PER2: variants seen among roughly 807,000 people sequenced by gnomAD.
PER2 encodes period circadian regulator 2, also known as period circadian protein homolog 2.
A neutral mutation model predicts 121.0 loss-of-function variants in PER2; 66 were observed. The ratio of observed to expected loss-of-function variants is 0.55; its 90% CI spans 0.45 to 0.67. The LOEUF (loss-of-function observed/expected upper bound fraction) is 0.67, where lower values mean the gene tolerates loss of function less well. Among genes scored for constraint, PER2 ranks in the 30% least tolerant of loss-of-function variants. The probability of loss-of-function intolerance (pLI) is 0.00; values close to 1 mark genes in which losing one functional copy is unlikely to be tolerated. For missense variants in PER2, 1,521 were observed against 1,635.0 expected (o/e 0.93, Z 1.20); for synonymous variants, 684 against 659.9 (o/e 1.04, Z -0.56).
chr2:238,275,042 A>C (rs1322089917), intron 4 of PER2, among the ~76,000 whole-genome samples: 3 of 152,238 alleles, frequency 2.0e-5, no homozygotes, highest in Non-Finnish European at 4.4e-5. Flanking sequence ...GTTTATACCC[A>C]TGATTACTAG....
chr2:238,284,974 T>C (rs895690714), intron 1 of PER2, among the ~76,000 whole-genome samples: 1 of 105,414 alleles, frequency 9.5e-6, no homozygotes. Flanking sequence ...CAGCTGTTCC[T>C]GGGGAGCTCC....
Position 238,261,443 on chromosome 2 carries a change from C to T in PER2, c.1416+286G>A, listed in dbSNP as rs1277388777. 8 of 496,980 alleles carry T rather than the reference C, an allele frequency of 1.6e-5. No homozygotes were observed. The East Asian group carries it at 2.6e-4, about 16-fold the overall frequency. The allele number at this position is 496,980 out of a possible 1,614,324, so 30.8% of individuals were successfully genotyped here. A position where few individuals can be genotyped will look rare whatever the true frequency, so the allele number is the denominator to read the frequency against. On this transcript the variant is annotated intron_variant, in intron 12 of 22. Transcript: ENST00000254657. ...GCACCACTGAGAGGTCACTCTGGAA[C>T]TATGCAGCCTGTGTCAGAGCACGGG...
In PER2 at chr2:238,250,724, A is replaced by G; in HGVS notation, c.3294T>C (p.His1098=). 2 of 1,613,752 alleles carry G rather than the reference A, an allele frequency of 1.2e-6. No homozygotes were observed. The highest frequency in any genetic ancestry group is 8.5e-7 in the Non-Finnish European group (1 of 1,179,604). ...PSGAGSSDTS[H]TSKYFGSIDS... is the part of the protein sequence containing the mutation. ...CAATGCTTCCAAAATATTTGCTGGT[A>G]TGACTTGTGTCACTACTGCCTTTAA... is the stretch of plus-strand genomic sequence containing the variant. The change falls in exon 21 of 23, where the codon CAT becomes CAC. Residue 1098 remains histidine, a synonymous_variant. Coordinates refer to ENST00000254657, the MANE Select transcript of PER2 (RefSeq NM_022817.3).
Position 238,246,090 on chromosome 2 carries a change from C to T in PER2, c.*285G>A, listed in dbSNP as rs573178304. ...AGGCAACTTCCCTGACACTAAGAGG[C>T]GCTTAGTCTTTCTCAAGTTAAATAA... On this transcript the variant is annotated 3_prime_UTR_variant, in exon 23 of 23. Coordinates refer to ENST00000254657, the MANE Select transcript of PER2 (RefSeq NM_022817.3). 3 of 222,766 alleles carry T rather than the reference C, an allele frequency of 1.3e-5. No individual in the cohort carries two copies. Among genetic ancestry groups the T allele is most frequent in the Admixed American group, 1.1e-4 (2 of 17,940 alleles). The allele number at this position is 222,766 out of a possible 1,614,324, so 13.8% of individuals were successfully genotyped here.
chr2:238,279,603 C>A (rs1298838688), intron 1 of PER2, among the ~76,000 whole-genome samples: 1 of 152,208 alleles, frequency 6.6e-6, no homozygotes, highest in Non-Finnish European at 1.5e-5. Flanking sequence ...CTTCCCAGGG[C>A]AGCTGGAACA....
chr2:238,290,775 T>C (rs1284158698), upstream of PER2, among the ~76,000 whole-genome samples: 1 of 151,486 alleles, frequency 6.6e-6, no homozygotes, highest in East Asian at 1.9e-4. Context: ...TTGTAAGGAG[T>C]TGGTGATGTA....
Position 238,265,627 on chromosome 2 carries a change from A to C in PER2, c.968-37T>G, listed in dbSNP as rs571334050. ...GAATATTGCACACATTTGTGATCCT[A>C]AGAAATGCATATTTGATGTTATATT... On this transcript the variant is annotated intron_variant, in intron 8 of 22. Transcript: ENST00000254657. 4.1e-6 allele frequency: 5 copies of C among 1,211,570 alleles called. No homozygotes were observed. In the African/African-American group the frequency reaches 7.4e-5, roughly 18 times the overall value. The allele number at this position is 1,211,570 out of a possible 1,614,324, so 75.1% of individuals were successfully genotyped here.
At chr2:238,279,346 C>T (rs1305323620) in intron 1 of PER2, among the ~76,000 whole-genome samples, 2 of 152,208 alleles carry the variant, frequency 1.3e-5, no homozygotes, top group African/African-American at 4.8e-5. Flanking sequence ...AACTCTGGAT[C>T]ACGGTCTACA....
rs1696192738 is a variant in PER2 at position 238,268,796 on chromosome 2, G to T, written c.824+127C>A. On this transcript the variant is annotated intron_variant, in intron 7 of 22. Coordinates refer to ENST00000254657, the MANE Select transcript of PER2 (RefSeq NM_022817.3). The surrounding 1 kb of genome is among the most constrained non-coding windows in gnomAD (Gnocchi z 4.0). ...ATGTAACTGACTGTGTTTTCTGGTA[G>T]ACTTCAGAAACAGGCGTGCTGAGTC... 1.4e-6 allele frequency: 1 copy of T among 734,258 alleles called. No individual in the cohort carries two copies. The highest frequency in any genetic ancestry group is 2.5e-6 in the Non-Finnish European group (1 of 407,186). 45.5% of individuals were successfully genotyped at this position (734,258 alleles called of 1,614,324 possible).
chr2:238,256,082 T>C (rs545978127), intron 17 of PER2, among the ~76,000 whole-genome samples, 171 bp from the exon 18 acceptor site: 1 of 152,384 alleles, frequency 6.6e-6, no homozygotes, highest in East Asian at 1.9e-4. Context: ...AGAAAGTTCA[T>C]GGCAAAAGGC....
chr2:238,278,090 C>CTCTGTCTG (rs1238234180), intron 1 of PER2, 135 bp from the exon 2 acceptor site: 4 of 948,466 alleles, frequency 4.2e-6, no homozygotes, highest in Non-Finnish European at 6.4e-6. Flanking sequence ...CTCTCTGTCT[C>CTCTGTCTG]TCTCTCTCTC....
intron 1 of PER2, among the ~76,000 whole-genome samples, chr2:238,282,053 T>C (rs1193105554): frequency 6.6e-6 from 1 of 152,148 alleles, no homozygotes; most frequent in Non-Finnish European, 1.5e-5. Flanking sequence ...GCGATCCTGG[T>C]GAAGGGGCTT....
intron 16 of PER2, 49 bp downstream of exon 16, chr2:238,258,227 G>T: frequency 6.2e-7 from 1 of 1,605,560 alleles, no homozygotes; most frequent in South Asian, 1.1e-5. Context: ...CTCTACTCCA[G>T]AGGATTTACA....
chr2:238,257,189 G>A lies in PER2; in HGVS notation c.1901-103C>T. 3.0e-6 allele frequency: 3 copies of A among 1,006,464 alleles called. No homozygotes were observed. The East Asian group carries it at 7.8e-5, about 26-fold the overall frequency. 62.3% of individuals were successfully genotyped at this position (1,006,464 alleles called of 1,614,324 possible). A position where few individuals can be genotyped will look rare whatever the true frequency, so the allele number is the denominator to read the frequency against. On this transcript the variant is annotated intron_variant, in intron 16 of 22. Coordinates refer to ENST00000254657, the MANE Select transcript of PER2 (RefSeq NM_022817.3). ...GCCCATACAGCTTCCACACCAGGGT[G>A]CACACAACCCATCCCATCCCATCCC...
Position 238,256,903 on chromosome 2 carries a change from C to T in PER2, c.2065+19G>A, listed in dbSNP as rs746380071. 6.2e-7 allele frequency: 1 copy of T among 1,610,124 alleles called. No individual in the cohort carries two copies. The highest frequency in any genetic ancestry group is 2.2e-5 in the East Asian group (1 of 44,854). On this transcript the variant is annotated intron_variant, in intron 17 of 22. Transcript: ENST00000254657. The stretch of plus-strand genomic sequence containing the variant: ...TTAAAAATCAAACTGCTCTCTGATC[C>T]AAGAGCCCATAGTCATACCTAACTC...
intron 21 of PER2, among the ~76,000 whole-genome samples, chr2:238,249,951 C>G (rs553315115): frequency 6.6e-6 from 1 of 152,360 alleles, no homozygotes; most frequent in East Asian, 1.9e-4. Context: ...ATTACCCAAT[C>G]TCAGGTATTT....
chr2:238,252,769 A>C lies in PER2; in HGVS notation c.3111+143T>G, dbSNP rs1695641672. ...TAAGTGGGAAGCATGAATTTCTGGC[A>C]CACACATTCATGGCAAAACCTACAG... On this transcript the variant is annotated intron_variant, in intron 19 of 22. Coordinates refer to ENST00000254657, the MANE Select transcript of PER2 (RefSeq NM_022817.3). This position sits in a 1 kb window ranked among gnomAD's most constrained non-coding sequence, Gnocchi z 4.2. The C allele has an allele frequency of 1.3e-6, 1 of 788,564 alleles. No individual in the cohort carries two copies. Among genetic ancestry groups the C allele is most frequent in the Admixed American group, 1.7e-5 (1 of 58,414 alleles). The allele number at this position is 788,564 out of a possible 1,614,324, so 48.8% of individuals were successfully genotyped here. A position where few individuals can be genotyped will look rare whatever the true frequency, so the allele number is the denominator to read the frequency against.
intron 1 of PER2, among the ~76,000 whole-genome samples, chr2:238,287,714 G>A (rs144184490): frequency 1.3e-5 from 2 of 152,320 alleles, no homozygotes; most frequent in Admixed American, 6.5e-5. Flanking sequence ...GATTTTCAGG[G>A]TGCCTTCTGG....
At chr2:238,298,196 G>A in the PER2 span, among the ~76,000 whole-genome samples, 7 of 152,092 alleles carry the variant, frequency 4.6e-5, no homozygotes, top group South Asian at 4.2e-4. Flanking sequence ...CACCACGCCC[G>A]GCTAATTTTT....
Sources: gnomAD v4.1 joint callset for allele counts (sites outside exome capture counted in the v4.1 genomes callset) on GRCh38, gnomAD v4.1.1 for gene constraint, Gnocchi (gnomAD v3.1) non-coding constraint, MANE v1.5 for transcripts, NCBI Gene and HGNC (gene_info 2026-07-23, HGNC 2026-07-21) for gene names.